KCNIP4: variants seen among roughly 807,000 people sequenced by gnomAD.
KCNIP4 encodes potassium voltage-gated channel interacting protein 4, also known as Kv channel-interacting protein 4.
A neutral mutation model predicts 34.0 loss-of-function variants in KCNIP4; 12 were observed. The ratio of observed to expected loss-of-function variants is 0.35; its 90% CI spans 0.23 to 0.57. The LOEUF (loss-of-function observed/expected upper bound fraction) is 0.57. Among genes scored for constraint, KCNIP4 ranks in the 20% least tolerant of loss-of-function variants. The pLI is 0.83. For missense variants in KCNIP4, 238 were observed against 311.7 expected, an observed-to-expected ratio of 0.76 and a Z score of 1.78; for synonymous variants, 124 against 102.2, an observed-to-expected ratio of 1.21 and a Z score of -1.29.
chr4:21,863,017 T>A (rs1725184707), intron 1 of KCNIP4, among the ~76,000 whole-genome samples: 1 of 152,006 alleles, frequency 6.6e-6, no homozygotes, highest in South Asian at 2.1e-4. Flanking sequence ...CTTAAGTGAT[T>A]TTTTTTCCCA....
At chr4:21,289,069 G>C (rs2109196930) in intron 1 of KCNIP4, among the ~76,000 whole-genome samples, 1 of 152,238 alleles carries the variant, frequency 6.6e-6, no homozygotes, top group Non-Finnish European at 1.5e-5. Context: ...TGCTTTTAGG[G>C]GGAAATTGTC....
intron 3 of KCNIP4, among the ~76,000 whole-genome samples, chr4:20,766,316 C>T (rs372496425): frequency 3.7e-4 from 56 of 152,206 alleles, no homozygotes; most frequent in Middle Eastern, 6.8e-3. Flanking sequence ...TGCCTGTAAT[C>T]CCAGTACTTT....
intron 1 of KCNIP4, among the ~76,000 whole-genome samples, chr4:21,083,015 T>C (rs955909134): frequency 6.6e-6 from 1 of 151,830 alleles, no homozygotes; most frequent in Non-Finnish European, 1.5e-5. Flanking sequence ...TCCAGAGTAA[T>C]ATAGTCAGTA....
At chr4:21,603,906 G>A (rs988061942) in intron 1 of KCNIP4, among the ~76,000 whole-genome samples, 1 of 152,022 alleles carries the variant, frequency 6.6e-6, no homozygotes, top group African/African-American at 2.4e-5. Flanking sequence ...TAATCTAGTA[G>A]ACTGATAGTC....
At chr4:20,867,584 T>G (rs1433259953) in intron 2 of KCNIP4, among the ~76,000 whole-genome samples, 1 of 152,076 alleles carries the variant, frequency 6.6e-6, no homozygotes, top group Non-Finnish European at 1.5e-5. Flanking sequence ...GAAGACAACC[T>G]AGGGTATACT....
At chr4:21,851,875 C>T (rs961909228) in intron 1 of KCNIP4, 2 of 152,120 alleles carry the variant, frequency 1.3e-5, no homozygotes, top group Non-Finnish European at 2.9e-5. Flanking sequence ...GAACCCTCGT[C>T]TCAGTTCTGT....
intron 3 of KCNIP4, among the ~76,000 whole-genome samples, chr4:20,778,612 A>C (rs1054637867): frequency 1.3e-5 from 2 of 152,184 alleles, no homozygotes; most frequent in African/African-American, 4.8e-5. Flanking sequence ...TCCTTGGACT[A>C]TTTCTTACTA....
At chr4:21,412,126 T>C (rs1724561113) in intron 1 of KCNIP4, among the ~76,000 whole-genome samples, 1 of 152,182 alleles carries the variant, frequency 6.6e-6, no homozygotes, top group African/African-American at 2.4e-5. Flanking sequence ...GAGAAATGAA[T>C]TGTCCAGAGC....
intron 1 of KCNIP4, among the ~76,000 whole-genome samples, chr4:21,116,017 C>A (rs1749644224): frequency 6.6e-6 from 1 of 152,180 alleles, no homozygotes. Flanking sequence ...GCGATGGTTT[C>A]GGAATACTTC....
intron 1 of KCNIP4, among the ~76,000 whole-genome samples, chr4:21,341,076 G>A (rs1716717283): frequency 1.3e-5 from 2 of 152,038 alleles, no homozygotes; most frequent in Non-Finnish European, 2.9e-5. Flanking sequence ...CACAGCGGAA[G>A]GAAAGCTATA....
intron 1 of KCNIP4, among the ~76,000 whole-genome samples, chr4:21,946,842 G>A (rs1257931988): frequency 4.6e-5 from 7 of 152,138 alleles, no homozygotes; most frequent in Admixed American, 3.3e-4. Flanking sequence ...GCTGATTCTG[G>A]AGATAGCAGT....
At chr4:21,706,448 G>A (rs1232097225) in intron 1 of KCNIP4, among the ~76,000 whole-genome samples, 1 of 152,122 alleles carries the variant, frequency 6.6e-6, no homozygotes, top group African/African-American at 2.4e-5. Context: ...TGTGAAATAA[G>A]TTACAGAAGG....
chr4:21,761,138 G>A (rs1042701717), intron 1 of KCNIP4, among the ~76,000 whole-genome samples: 1 of 152,060 alleles, frequency 6.6e-6, no homozygotes, highest in African/African-American at 2.4e-5. Flanking sequence ...GTCTCACTCT[G>A]TTGCCCAGGC....
At chr4:21,705,635 G>T (rs573103785) in intron 1 of KCNIP4, among the ~76,000 whole-genome samples, 2 of 152,192 alleles carry the variant, frequency 1.3e-5, no homozygotes, top group African/African-American at 4.8e-5. Context: ...CGAATGGAGG[G>T]AAGGGATGGC....
At chr4:21,386,037 T>G (rs1390262) in intron 1 of KCNIP4, among the ~76,000 whole-genome samples, 115,699 of 152,088 alleles carry the variant, frequency 0.76, 45,858 homozygotes, top group Non-Finnish European at 0.89. Flanking sequence ...TCAAAGGCTA[T>G]ATTTTAGTCT....
chr4:21,365,548 GA>G lies in KCNIP4; in HGVS notation c.62-482840del, dbSNP rs199627498. 5.9e-3 allele frequency among the ~76,000 whole-genome samples: 861 copies of G among 145,090 alleles called. 7 individuals carry two copies. Among genetic ancestry groups the G allele is most frequent in the African/African-American group, 0.02 (805 of 39,634 alleles). On this transcript the variant is annotated intron_variant, in intron 1 of 8. Coordinates refer to ENST00000382152, the MANE Select transcript of KCNIP4 (RefSeq NM_025221.6). The stretch of plus-strand genomic sequence containing the variant: ...AAAAAATAAAGAAAGAAAAGAAAAA[GA>G]AAAAAAAATACTTCAAATCTTTCCT...
intron 1 of KCNIP4, among the ~76,000 whole-genome samples, chr4:21,436,593 T>G (rs1210790295): frequency 6.6e-6 from 1 of 152,186 alleles, no homozygotes; most frequent in Non-Finnish European, 1.5e-5. Context: ...GTTCTGGAGT[T>G]CTGTGAACTG....
chr4:21,223,788 G>C (rs554419430), intron 1 of KCNIP4, among the ~76,000 whole-genome samples: 60 of 152,254 alleles, frequency 3.9e-4, no homozygotes, highest in African/African-American at 1.4e-3. Flanking sequence ...GGGTGTGTGT[G>C]AGTGTGTGTG....
chr4:21,173,502 A>AC (rs2109303011), intron 1 of KCNIP4, among the ~76,000 whole-genome samples: 1 of 152,288 alleles, frequency 6.6e-6, no homozygotes, highest in South Asian at 2.1e-4. Flanking sequence ...GGTGATCACA[A>AC]AAGGCCCAAG....
Sources: gnomAD v4.1 joint callset for allele counts (sites outside exome capture counted in the v4.1 genomes callset) on GRCh38, gnomAD v4.1.1 for gene constraint, MANE v1.5 for transcripts, NCBI Gene and HGNC (gene_info 2026-07-23, HGNC 2026-07-21) for gene names.